The following MARCHF1 variants were observed in gnomAD, a reference collection of about 807,000 sequenced individuals.
MARCHF1 encodes E3 ubiquitin-protein ligase MARCHF1.
A neutral mutation model predicts 54.2 loss-of-function variants in MARCHF1; 40 were observed. The observed-to-expected ratio is 0.74, with a 90% CI of 0.57 to 0.96. The LOEUF is 0.96. Ranked by LOEUF, MARCHF1 falls within the 40% of genes least tolerant of loss-of-function variation. The pLI is 0.00. For missense variants in MARCHF1, 586 were observed against 656.5 expected (o/e 0.89, Z 1.17); for synonymous variants, 236 against 236.3 (o/e 1.00, Z 0.01).
At chr4:164,012,483 A>C (rs1412106854) in intron 2 of MARCHF1, among the ~76,000 whole-genome samples, 1 of 152,132 alleles carries the variant, frequency 6.6e-6, no homozygotes, top group Non-Finnish European at 1.5e-5. Flanking sequence ...ACCCAGCTGA[A>C]TTAACCAACT....
chr4:164,069,935 T>TA (rs1310303023), intron 2 of MARCHF1, among the ~76,000 whole-genome samples: 9 of 152,310 alleles, frequency 5.9e-5, no homozygotes, highest in African/African-American at 1.9e-4. Flanking sequence ...TATGCTGCTG[T>TA]AAAAAAGAAT....
chr4:163,708,464 T>C (rs1745013245), intron 4 of MARCHF1, among the ~76,000 whole-genome samples: 1 of 152,112 alleles, frequency 6.6e-6, no homozygotes, highest in East Asian at 1.9e-4. Context: ...ATAAACAATG[T>C]TCATCAATAA....
At chr4:163,954,016 A>G (rs932608288) in intron 3 of MARCHF1, among the ~76,000 whole-genome samples, 1 of 152,186 alleles carries the variant, frequency 6.6e-6, no homozygotes, top group Admixed American at 6.5e-5. Flanking sequence ...ACTGTTCCAG[A>G]CTTTGGTTCT....
intron 5 of MARCHF1, among the ~76,000 whole-genome samples, chr4:163,621,982 G>A (rs1741709203): frequency 6.6e-6 from 1 of 152,026 alleles, no homozygotes; most frequent in Non-Finnish European, 1.5e-5. Flanking sequence ...CGGTGTCTTA[G>A]GGTAGGAGTG....
chr4:163,529,607 G>C (rs954880575), intron 9 of MARCHF1, among the ~76,000 whole-genome samples: 1 of 151,838 alleles, frequency 6.6e-6, no homozygotes, highest in Non-Finnish European at 1.5e-5. Flanking sequence ...GAGAATTCCT[G>C]AGTACAAACA....
chr4:163,932,675 G>A, intron 3 of MARCHF1: 1 of 496,440 alleles, frequency 2.0e-6, no homozygotes, highest in South Asian at 1.7e-5. Context: ...GTGCGGTTGG[G>A]GGCTGCAGGT....
chr4:163,966,261 T>C (rs997464172), intron 3 of MARCHF1, among the ~76,000 whole-genome samples: 1 of 152,022 alleles, frequency 6.6e-6, no homozygotes, highest in Non-Finnish European at 1.5e-5. Context: ...ATAAGGGAGA[T>C]GTTATTTCAT....
At chr4:163,839,000 TATATC>T (rs1248628467) in intron 4 of MARCHF1, among the ~76,000 whole-genome samples, 1 of 152,078 alleles carries the variant, frequency 6.6e-6, no homozygotes, top group African/African-American at 2.4e-5. Flanking sequence ...TTGTAAATCT[TATATC>T]TAATAGGGGA....
At position 164,116,683 on chromosome 4, in the gene MARCHF1, A is replaced by T. The variant is rs533831357; in HGVS notation, c.-322-5021T>A. 3.9e-5 allele frequency among the ~76,000 whole-genome samples: 6 copies of T among 152,202 alleles called. No homozygotes were observed. The South Asian group carries it at 1.2e-3, about 31-fold the overall frequency. ...CAGTCACATGTTGCTAGTAACTATC[A>T]TCCTGAACACCATACATAGAAAGCA... On this transcript the variant is annotated intron_variant, in intron 1 of 9. Coordinates refer to ENST00000514618, the MANE Select transcript of MARCHF1 (RefSeq NM_001394959.1).
chr4:164,145,234 A>C (rs1207668235), intron 1 of MARCHF1, among the ~76,000 whole-genome samples: 1 of 152,310 alleles, frequency 6.6e-6, no homozygotes, highest in Admixed American at 6.5e-5. Flanking sequence ...GCCGAATTTT[A>C]CCAGAGGTAA....
chr4:163,814,384 G>A, intron 4 of MARCHF1, among the ~76,000 whole-genome samples: 1 of 151,882 alleles, frequency 6.6e-6, no homozygotes, highest in East Asian at 1.9e-4. Flanking sequence ...GGGTCTGATT[G>A]CCCCAACACA....
chr4:164,008,415 G>A (rs543363722), intron 2 of MARCHF1, among the ~76,000 whole-genome samples: 3 of 152,050 alleles, frequency 2.0e-5, no homozygotes, highest in Admixed American at 6.5e-5. Flanking sequence ...TCTCAGTAAT[G>A]GACAAGTCAT....
intron 1 of MARCHF1, among the ~76,000 whole-genome samples, chr4:164,319,918 AC>A (rs1413919931): frequency 6.6e-6 from 1 of 151,954 alleles, no homozygotes; most frequent in East Asian, 1.9e-4. Flanking sequence ...AACATAATAA[AC>A]CCCTAAGCCC....
chr4:164,112,150 G>A (rs1280370730), intron 1 of MARCHF1, among the ~76,000 whole-genome samples: 1 of 151,818 alleles, frequency 6.6e-6, no homozygotes, highest in Non-Finnish European at 1.5e-5. Flanking sequence ...AAAGGATGCG[G>A]TGATTGAAGG....
At chr4:164,014,730 C>T (rs1163681842) in intron 2 of MARCHF1, among the ~76,000 whole-genome samples, 6 of 151,740 alleles carry the variant, frequency 4.0e-5, no homozygotes, top group Admixed American at 6.6e-5. Context: ...CTAAAAAGAG[C>T]AGGAGTAGCT....
At chr4:164,011,432 T>G (rs1352536768) in intron 2 of MARCHF1, among the ~76,000 whole-genome samples, 1 of 152,056 alleles carries the variant, frequency 6.6e-6, no homozygotes, top group African/African-American at 2.4e-5. Context: ...GACAAAAAAG[T>G]AACTCAATTA....
intron 1 of MARCHF1, among the ~76,000 whole-genome samples, chr4:164,201,534 A>G (rs1269009270): frequency 6.6e-6 from 1 of 152,112 alleles, no homozygotes; most frequent in African/African-American, 2.4e-5. Context: ...CTGATTTTTT[A>G]CAATGAATTT....
At chr4:164,144,623 C>T (rs998410554) in intron 1 of MARCHF1, among the ~76,000 whole-genome samples, 24 of 143,856 alleles carry the variant, frequency 1.7e-4, no homozygotes, top group South Asian at 2.2e-4. Context: ...TTGAAACCAA[C>T]GAGAACAAAG....
intron 5 of MARCHF1, among the ~76,000 whole-genome samples, chr4:163,670,238 A>G (rs983981770): frequency 3.9e-5 from 6 of 152,170 alleles, no homozygotes; most frequent in Non-Finnish European, 8.8e-5. Context: ...AGTCAGACAT[A>G]AAAACTAGAA....
Sources: gnomAD v4.1 joint callset for allele counts (sites outside exome capture counted in the v4.1 genomes callset) on GRCh38, gnomAD v4.1.1 for gene constraint, MANE v1.5 for transcripts, NCBI Gene and HGNC (gene_info 2026-07-23, HGNC 2026-07-21) for gene names.